Variants in ACSL4 observed in about 807,000 individuals in gnomAD.
ACSL4 encodes acyl-CoA synthetase long chain family member 4.
Under a neutral mutation model 49.1 loss-of-function variants are expected in ACSL4, and 9 were observed. That is an observed-to-expected ratio of 0.18 (90% CI 0.11 to 0.32). The LOEUF is 0.32. ACSL4 is among the 10% of genes least tolerant of loss of function. ACSL4 has a pLI of 1.00. For synonymous variants in ACSL4, 191 were observed against 170.3 expected, an observed-to-expected ratio of 1.12 and a Z score of -0.95; for missense variants, 333 against 493.7, an observed-to-expected ratio of 0.67 and a Z score of 3.08.
At chrX:109,671,641 G>T (rs777401349) in intron 9 of ACSL4, among the ~76,000 whole-genome samples, 1 of 112,639 alleles carries the variant, frequency 8.9e-6, no homozygotes, top group African/African-American at 3.2e-5. Flanking sequence ...AGAAAAGGGG[G>T]AAATGTGGGG....
chrX:109,657,835 C>T (rs1375502068), intron 15 of ACSL4, among the ~76,000 whole-genome samples: 1 of 111,629 alleles, frequency 9.0e-6, no homozygotes, highest in Non-Finnish European at 1.9e-5. Context: ...GTCCCACCAA[C>T]AGTGTAAAAG....
chrX:109,684,690 AG>A (rs1228783869), intron 2 of ACSL4, among the ~76,000 whole-genome samples: 1 of 112,122 alleles, frequency 8.9e-6, no homozygotes. Flanking sequence ...AGGAGTTCAG[AG>A]GAAGTGCAAA....
chrX:109,645,082 G>A (rs1487876035), intron 15 of ACSL4, among the ~76,000 whole-genome samples: 4 of 111,996 alleles, frequency 3.6e-5, no homozygotes, highest in Non-Finnish European at 5.6e-5. Context: ...CAAGGTGGCA[G>A]GGAGGCTGGG....
intron 1 of ACSL4, among the ~76,000 whole-genome samples, chrX:109,712,750 G>A (rs1926841000): frequency 9.0e-6 from 1 of 111,594 alleles, no homozygotes; most frequent in African/African-American, 3.3e-5. Context: ...TGAGGTGGGC[G>A]GATCATGTGA....
chrX:109,729,995 G>A (rs1281713249), intron 1 of ACSL4, among the ~76,000 whole-genome samples: 2 of 112,321 alleles, frequency 1.8e-5, no homozygotes, highest in Admixed American at 1.9e-4. Context: ...CAACAAAAAG[G>A]ATCCTTGTGG....
intron 9 of ACSL4, 67 bp from the exon 10 acceptor site, chrX:109,669,240 T>C: frequency 1.2e-6 from 1 of 864,383 alleles, no homozygotes; most frequent in South Asian, 2.2e-5. Context: ...GAAGATACCT[T>C]ACTTGCAACA....
intron 15 of ACSL4, among the ~76,000 whole-genome samples, chrX:109,649,927 T>C (rs1389210649): frequency 9.3e-6 from 1 of 107,135 alleles, no homozygotes; most frequent in Non-Finnish European, 1.9e-5. Flanking sequence ...CATGAAAAAA[T>C]GCTCACCATC....
At chrX:109,658,270 C>T (rs1921857949) in intron 15 of ACSL4, among the ~76,000 whole-genome samples, 2 of 111,293 alleles carry the variant, frequency 1.8e-5, no homozygotes, top group African/African-American at 6.6e-5. Flanking sequence ...AATTTTGCTT[C>T]ATAAACATTT....
chrX:109,655,432 G>A (rs941841729), intron 15 of ACSL4, among the ~76,000 whole-genome samples: 1 of 110,791 alleles, frequency 9.0e-6, no homozygotes, highest in Non-Finnish European at 1.9e-5. Context: ...AGACAGAAGA[G>A]ATGATAAAGT....
At chrX:109,650,548 G>C (rs1282848159) in intron 15 of ACSL4, among the ~76,000 whole-genome samples, 1 of 106,063 alleles carries the variant, frequency 9.4e-6, no homozygotes, top group Non-Finnish European at 1.9e-5. Context: ...GAAGGGGGGA[G>C]GGATAGCATT....
In ACSL4 at chrX:109,728,619, T is replaced by G. The variant is rs539196148; in HGVS notation, c.-66+4520A>C. Among the ~76,000 whole-genome samples, 72 of 112,549 alleles carry G rather than the reference T, an allele frequency of 6.4e-4. 1 individual carries two copies. In the South Asian group the frequency reaches 0.025, roughly 39 times the overall value. Reference sequence around the variant, plus strand: ...AATATGTATTAACATTCTAAGCCATTAAGGCCACTTGTTCACAGAATATAT... The same window carrying G: ...AATATGTATTAACATTCTAAGCCATGAAGGCCACTTGTTCACAGAATATAT... On this transcript the variant is annotated intron_variant, in intron 1 of 15. Transcript: ENST00000672401.
intron 6 of ACSL4, among the ~76,000 whole-genome samples, chrX:109,679,378 A>C (rs906841079): frequency 8.9e-6 from 1 of 112,529 alleles, no homozygotes; most frequent in Non-Finnish European, 1.9e-5. Context: ...AATGAAATAC[A>C]AGTTTAACAG....
chrX:109,683,037 A>C, intron 3 of ACSL4, 99 bp downstream of exon 3: 1 of 1,033,012 alleles, frequency 9.7e-7, no homozygotes, highest in Admixed American at 2.5e-5. Context: ...ACACAGCACT[A>C]TAATAGAATG....
intron 8 of ACSL4, 142 bp downstream of exon 8, chrX:109,677,846 G>T: frequency 1.3e-6 from 1 of 761,218 alleles, no homozygotes; most frequent in Non-Finnish European, 2.0e-6. Flanking sequence ...ATCTCCTATA[G>T]CTACATATTG....
intron 1 of ACSL4, among the ~76,000 whole-genome samples, chrX:109,705,607 C>T (rs1350235561): frequency 1.8e-5 from 2 of 112,303 alleles, no homozygotes; most frequent in African/African-American, 6.5e-5. Flanking sequence ...AACCACAAAC[C>T]CACCCATCCT....
chrX:109,669,895 A>G (rs745670352), intron 9 of ACSL4, among the ~76,000 whole-genome samples: 12 of 112,364 alleles, frequency 1.1e-4, no homozygotes, highest in African/African-American at 3.9e-4. Context: ...GGCAGAAAGC[A>G]TTAGTTTCTT....
chrX:109,689,950 C>A (rs1271336839), intron 2 of ACSL4, among the ~76,000 whole-genome samples: 1 of 111,785 alleles, frequency 8.9e-6, no homozygotes, highest in East Asian at 2.8e-4. Context: ...TGGAATTATT[C>A]TGAATCTATA....
intron 1 of ACSL4, among the ~76,000 whole-genome samples, chrX:109,723,923 T>C (rs1008152686): frequency 8.9e-6 from 1 of 112,409 alleles, no homozygotes; most frequent in Non-Finnish European, 1.9e-5. Context: ...ATTTCCCTAA[T>C]AACCAGAGTC....
chrX:109,644,986 G>C (rs4442305), intron 15 of ACSL4, among the ~76,000 whole-genome samples: 1 of 113,145 alleles, frequency 8.8e-6, no homozygotes. Context: ...CGGTGCACCA[G>C]GAGATTATAG....
Sources: allele counts gnomAD v4.1 joint callset (sites outside exome capture counted in the v4.1 genomes callset), GRCh38; gene constraint gnomAD v4.1.1; transcripts MANE v1.5; gene names NCBI Gene and HGNC (gene_info 2026-07-23, HGNC 2026-07-21).